Variants in HSD17B2 observed in about 807,000 individuals in gnomAD.
HSD17B2 encodes the protein 17-beta-hydroxysteroid dehydrogenase type 2.
Under a neutral mutation model 26.9 loss-of-function variants are expected in HSD17B2, and 32 were observed. The observed-to-expected ratio is 1.19, with a 90% confidence interval of 0.90 to 1.60. The LOEUF (loss-of-function observed/expected upper bound fraction) is 1.60. Ranked by LOEUF, HSD17B2 falls within the 40% of genes most tolerant of loss-of-function variation. HSD17B2 has a pLI of 0.00. For missense variants in HSD17B2, 613 were observed against 468.6 expected (o/e 1.31, Z -2.85); for synonymous variants, 246 against 186.7 (o/e 1.32, Z -2.59).
intron 2 of HSD17B2, among the ~76,000 whole-genome samples, chr16:82,069,612 T>C (rs1429198602): frequency 6.6e-6 from 1 of 152,204 alleles, no homozygotes; most frequent in Non-Finnish European, 1.5e-5. Flanking sequence ...CAAATGCTTC[T>C]GAGGGTTGCA....
chr16:82,083,551 C>T (rs1030995527), intron 3 of HSD17B2, among the ~76,000 whole-genome samples: 1 of 152,160 alleles, frequency 6.6e-6, no homozygotes, highest in Non-Finnish European at 1.5e-5. Context: ...CATGTTTAAG[C>T]ATCAGTCTTG....
At chr16:82,063,314 G>A (rs1413181922) in intron 1 of HSD17B2, 1 of 152,150 alleles carries the variant, frequency 6.6e-6, no homozygotes, top group East Asian at 1.9e-4. Context: ...GTAATTGTTT[G>A]GAATAGGCTC....
chr16:82,084,315 T>C (rs1179135847), intron 3 of HSD17B2, among the ~76,000 whole-genome samples: 1 of 152,124 alleles, frequency 6.6e-6, no homozygotes, highest in East Asian at 1.9e-4. Flanking sequence ...CTTGACCCAC[T>C]AGATAATAGT....
intron 3 of HSD17B2, chr16:82,090,059 G>C (rs1209188513): frequency 5.6e-6 from 1 of 178,060 alleles, no homozygotes; most frequent in Middle Eastern, 2.7e-3. Context: ...TCTAGCCCTA[G>C]AATAAGTCCT....
chr16:82,052,667 AT>A (rs1237701324), intron 1 of HSD17B2, among the ~76,000 whole-genome samples: 2 of 152,036 alleles, frequency 1.3e-5, no homozygotes, highest in Non-Finnish European at 2.9e-5. Context: ...CCATCTCTCT[AT>A]TTTTTTATGC....
chr16:82,089,216 C>A (rs1378608165), intron 3 of HSD17B2, among the ~76,000 whole-genome samples: 3 of 152,132 alleles, frequency 2.0e-5, no homozygotes, highest in African/African-American at 4.8e-5. Flanking sequence ...GGAATTATAC[C>A]AAAGAGTACA....
At chr16:82,095,372 T>G (rs1303131785) in intron 4 of HSD17B2, 1 of 152,466 alleles carries the variant, frequency 6.6e-6, no homozygotes, top group East Asian at 1.9e-4. Flanking sequence ...GGCCTACATT[T>G]CCAAGTGAGC....
chr16:82,071,361 T>G, intron 3 of HSD17B2: 1 of 577,478 alleles, frequency 1.7e-6, no homozygotes. Flanking sequence ...ACTGGGGATT[T>G]AGGGTTCTTA....
chr16:82,068,386 C>T lies in HSD17B2; in HGVS notation c.478+4C>T. On this transcript the variant is annotated splice_donor_region_variant and intron_variant, in intron 2 of 4. Transcript: ENST00000199936. The stretch of plus-strand genomic sequence containing the variant: ...GCAGCAATGCTGCAGGACAGAGGTA[C>T]TGCCGCCAGCACCCTCAGTGCCTTT... 5 of 1,606,800 alleles carry T rather than the reference C, an allele frequency of 3.1e-6. No individual in the cohort carries two copies. Among genetic ancestry groups the T allele is most frequent in the Non-Finnish European group, 4.2e-6 (5 of 1,176,988 alleles).
intron 4 of HSD17B2, chr16:82,095,189 G>A (rs1230053330): frequency 2.0e-5 from 3 of 152,240 alleles, no homozygotes; most frequent in South Asian, 2.1e-4. Context: ...ACAGGGACAG[G>A]GGAGAGGTAG....
intron 1 of HSD17B2, among the ~76,000 whole-genome samples, chr16:82,061,981 G>T (rs190657572): frequency 7.6e-4 from 115 of 152,304 alleles, no homozygotes; most frequent in African/African-American, 2.7e-3. Context: ...CTGGCCTGAA[G>T]AACTCCCAAA....
intron 3 of HSD17B2, among the ~76,000 whole-genome samples, chr16:82,074,796 G>C (rs1049452479): frequency 2.6e-5 from 4 of 152,118 alleles, no homozygotes; most frequent in African/African-American, 9.7e-5. Flanking sequence ...AGATCATCCA[G>C]GCAGAAAATC....
chr16:82,084,560 T>G (rs527440859), intron 3 of HSD17B2, among the ~76,000 whole-genome samples: 1 of 151,610 alleles, frequency 6.6e-6, no homozygotes, highest in African/African-American at 2.4e-5. Flanking sequence ...TATTATTATT[T>G]TTTTTATTTT....
At chr16:82,064,137 CT>C (rs1238573127) in intron 1 of HSD17B2, among the ~76,000 whole-genome samples, 1 of 152,220 alleles carries the variant, frequency 6.6e-6, no homozygotes, top group African/African-American at 2.4e-5. Flanking sequence ...TTCCAAGGAA[CT>C]TTCCTAAGAG....
intron 1 of HSD17B2, among the ~76,000 whole-genome samples, chr16:82,060,719 T>C (rs1411372965): frequency 6.6e-6 from 1 of 152,146 alleles, no homozygotes; most frequent in Non-Finnish European, 1.5e-5. Flanking sequence ...CCTCTGAAGA[T>C]ACCAACCCCG....
chr16:82,051,930 G>A (rs1002572500), intron 1 of HSD17B2, among the ~76,000 whole-genome samples: 7 of 152,166 alleles, frequency 4.6e-5, no homozygotes, highest in African/African-American at 1.4e-4. Flanking sequence ...CAGACCCCAC[G>A]GGCTTTGGAT....
intron 3 of HSD17B2, among the ~76,000 whole-genome samples, chr16:82,080,440 G>A (rs947249967): frequency 2.0e-5 from 3 of 152,166 alleles, no homozygotes; most frequent in Non-Finnish European, 2.9e-5. Context: ...AGGTGGCTTT[G>A]AAGATAGAGG....
At chr16:82,056,765 G>C (rs1385870222) in intron 1 of HSD17B2, among the ~76,000 whole-genome samples, 1 of 152,194 alleles carries the variant, frequency 6.6e-6, no homozygotes, top group Non-Finnish European at 1.5e-5. Context: ...TATTCAGAGA[G>C]AATGTGTTAG....
chr16:82,069,599 A>C (rs1914651362), intron 2 of HSD17B2, among the ~76,000 whole-genome samples: 1 of 152,110 alleles, frequency 6.6e-6, no homozygotes, highest in Non-Finnish European at 1.5e-5. Context: ...CTCCCCACAA[A>C]TACAAATGCT....
Sources: allele counts gnomAD v4.1 joint callset (sites outside exome capture counted in the v4.1 genomes callset), GRCh38; gene constraint gnomAD v4.1.1; transcripts MANE v1.5; gene names NCBI Gene and HGNC (gene_info 2026-07-23, HGNC 2026-07-21).